Variants in SNX2 observed in about 807,000 individuals in gnomAD.
SNX2 encodes sorting nexin 2.
Under a neutral mutation model 69.9 loss-of-function variants are expected in SNX2, and 25 were observed. That is an observed-to-expected ratio of 0.36 (90% confidence interval 0.26 to 0.50). The LOEUF is 0.50. SNX2 is among the 20% of genes least tolerant of loss of function. SNX2 has a pLI of 0.97. For synonymous variants in SNX2, 229 were observed against 200.4 expected, an observed-to-expected ratio of 1.14 and a Z score of -1.20; for missense variants, 551 against 613.3, an observed-to-expected ratio of 0.90 and a Z score of 1.07.
chr5:122,797,220 G>A (rs1753400586), intron 2 of SNX2, among the ~76,000 whole-genome samples: 1 of 152,156 alleles, frequency 6.6e-6, no homozygotes, highest in Admixed American at 6.5e-5. Flanking sequence ...GAGCCACTGA[G>A]CCCAGCCAGA....
chr5:122,793,012 A>G (rs993151402), intron 1 of SNX2, among the ~76,000 whole-genome samples: 1 of 152,224 alleles, frequency 6.6e-6, no homozygotes, highest in African/African-American at 2.4e-5. Context: ...AAAGTTTCAT[A>G]TGCTGCTGGT....
At chr5:122,816,058 A>C in intron 8 of SNX2, 87 bp downstream of exon 8, 1 of 596,932 alleles carries the variant, frequency 1.7e-6, no homozygotes, top group Non-Finnish European at 2.8e-6. Flanking sequence ...TAAATAATTG[A>C]GTTAATAGAT....
intron 1 of SNX2, among the ~76,000 whole-genome samples, chr5:122,792,795 G>A (rs1290809025): frequency 6.6e-6 from 1 of 151,940 alleles, no homozygotes; most frequent in Non-Finnish European, 1.5e-5. Flanking sequence ...AAATCAATAG[G>A]AACAATAGAA....
At chr5:122,797,465 T>G (rs1653361951) in intron 2 of SNX2, among the ~76,000 whole-genome samples, 1 of 144,358 alleles carries the variant, frequency 6.9e-6, no homozygotes, top group African/African-American at 2.5e-5. Context: ...GAAGACCTAA[T>G]CTGATCATTT....
rs750779508 is a variant in SNX2, at chr5:122,775,090, T to C, written c.-14T>C. On this transcript the variant is annotated 5_prime_UTR_variant, in exon 1 of 15. Coordinates refer to ENST00000379516, the MANE Select transcript of SNX2 (RefSeq NM_003100.4). ...CGCGAGGCCCAGCTCGCGCAGTCGT[T>C]CGGGTGAGCGAAGATGGCGGCCGAG... 22 of 1,574,742 alleles carry C rather than the reference T, an allele frequency of 1.4e-5. No homozygotes were observed. In the Admixed American group the frequency reaches 3.8e-4, roughly 27 times the overall value.
intron 7 of SNX2, 132 bp downstream of exon 7, chr5:122,808,487 G>T (rs1287863805): frequency 1.8e-6 from 1 of 561,710 alleles, no homozygotes; most frequent in Non-Finnish European, 3.1e-6. Flanking sequence ...TTTTAAGACT[G>T]CTTTAAACTT....
At chr5:122,813,147 C>T (rs1394322511) in intron 7 of SNX2, among the ~76,000 whole-genome samples, 1 of 152,010 alleles carries the variant, frequency 6.6e-6, no homozygotes, top group Admixed American at 6.5e-5. Context: ...ACTCATTTAC[C>T]CTTTTTGTCC....
At chr5:122,806,142 G>GCACGCACACACACACACACACACA (rs1554063175) in intron 6 of SNX2, among the ~76,000 whole-genome samples, 47 of 130,648 alleles carry the variant, frequency 3.6e-4, no homozygotes, top group African/African-American at 8.4e-4. Context: ...ACACGCGCGC[G>GCACGCACACACACACACACACACA]CACACACACA....
At chr5:122,775,585 G>A in intron 1 of SNX2, 2 of 995,696 alleles carry the variant, frequency 2.0e-6, no homozygotes, top group Non-Finnish European at 2.4e-6. Flanking sequence ...CTTTTGAAGG[G>A]GTGCTCGCTT....
chr5:122,789,476 C>G (rs1257467604), intron 1 of SNX2, among the ~76,000 whole-genome samples: 1 of 88,474 alleles, frequency 1.1e-5, no homozygotes, highest in Non-Finnish European at 2.2e-5. Flanking sequence ...CACACACGGA[C>G]ACACACACAC....
intron 1 of SNX2, among the ~76,000 whole-genome samples, chr5:122,780,534 G>T (rs1325940260): frequency 6.6e-6 from 1 of 151,540 alleles, no homozygotes; most frequent in African/African-American, 2.4e-5. Context: ...AACATAACAG[G>T]TAATAAAAGT....
At chr5:122,791,986 A>G (rs1416870712) in intron 1 of SNX2, among the ~76,000 whole-genome samples, 3 of 152,188 alleles carry the variant, frequency 2.0e-5, no homozygotes, top group Admixed American at 6.5e-5. Flanking sequence ...CAATCACCCA[A>G]TCAGACTCTT....
At chr5:122,826,651 T>G in intron 12 of SNX2, 1 of 972,036 alleles carries the variant, frequency 1.0e-6, no homozygotes, top group Non-Finnish European at 1.2e-6. Context: ...ATTGAAGAGG[T>G]AGGACAACCT....
chr5:122,826,208 C>G lies in SNX2; in HGVS notation c.1356+15C>G, dbSNP rs780810658. 6.3e-7 allele frequency: 1 copy of G among 1,595,288 alleles called. No homozygotes were observed. Among genetic ancestry groups the G allele is most frequent in the Non-Finnish European group, 8.6e-7 (1 of 1,168,726 alleles). Reference sequence around the variant, plus strand: ...AAATAAGAGAGGTGATTACTAAATGCTTTAATCTCTTTACTTAAGTTTTGC... The same window carrying G: ...AAATAAGAGAGGTGATTACTAAATGGTTTAATCTCTTTACTTAAGTTTTGC... On this transcript the variant is annotated intron_variant, in intron 12 of 14. Transcript: ENST00000379516.
At chr5:122,816,700 G>A (rs1459130599) in intron 8 of SNX2, among the ~76,000 whole-genome samples, 1 of 151,812 alleles carries the variant, frequency 6.6e-6, no homozygotes, top group Non-Finnish European at 1.5e-5. Flanking sequence ...CAAATGGAAA[G>A]TCTATTTTTT....
At chr5:122,805,079 G>A (rs888440283) in intron 6 of SNX2, among the ~76,000 whole-genome samples, 1 of 151,820 alleles carries the variant, frequency 6.6e-6, no homozygotes, top group Admixed American at 6.6e-5. Context: ...ATCACCTGAG[G>A]TCAGGAGTTC....
At chr5:122,776,334 C>G (rs76719847) in intron 1 of SNX2, among the ~76,000 whole-genome samples, 2,267 of 152,184 alleles carry the variant, frequency 0.015, 22 homozygotes, top group Non-Finnish European at 0.019. Context: ...CAGTGTCCCA[C>G]CCAAACCCCA....
At chr5:122,799,231 T>G (rs1753455818) in intron 2 of SNX2, among the ~76,000 whole-genome samples, 1 of 152,216 alleles carries the variant, frequency 6.6e-6, no homozygotes. Flanking sequence ...TGCTTTATAT[T>G]ACTAACTTTG....
rs1416490402 is a variant in SNX2 at position 122,817,129 on chromosome 5, A to G, written c.912+101A>G. On this transcript the variant is annotated intron_variant, in intron 9 of 14. Coordinates refer to ENST00000379516, the MANE Select transcript of SNX2 (RefSeq NM_003100.4). ...TGGAAAATAGGATATTAATTTGCTTATTGAGTTTAGTTCTCAGCCACATCA... is the reference window on the plus strand; with the variant it reads ...TGGAAAATAGGATATTAATTTGCTTGTTGAGTTTAGTTCTCAGCCACATCA... 9 of 1,133,374 alleles carry G rather than the reference A, an allele frequency of 7.9e-6. No individual in the cohort carries two copies. The Admixed American group carries it at 1.8e-4, about 22-fold the overall frequency. The allele number at this position is 1,133,374 out of a possible 1,614,324, so 70.2% of individuals were successfully genotyped here. A position where few individuals can be genotyped will look rare whatever the true frequency, so the allele number is the denominator to read the frequency against.
Sources: allele counts gnomAD v4.1 joint callset (sites outside exome capture counted in the v4.1 genomes callset), GRCh38; gene constraint gnomAD v4.1.1; transcripts MANE v1.5; gene names NCBI Gene and HGNC (gene_info 2026-07-23, HGNC 2026-07-21).